Variants in FHIT observed in about 807,000 individuals in gnomAD.
The protein encoded by FHIT is bis(5'-adenosyl)-triphosphatase.
Under a neutral mutation model 17.9 loss-of-function variants are expected in FHIT, and 19 were observed. That is an observed-to-expected ratio of 1.06 (90% CI 0.74 to 1.56). The LOEUF (loss-of-function observed/expected upper bound fraction) is 1.56. FHIT is among the 40% of genes most tolerant of loss of function. The pLI, the probability that FHIT is intolerant of heterozygous loss-of-function variation, is 0.00. For missense variants in FHIT, 248 were observed against 189.2 expected, an observed-to-expected ratio of 1.31 and a Z score of -1.82; for synonymous variants, 81 against 69.7, an observed-to-expected ratio of 1.16 and a Z score of -0.81.
At chr3:60,516,725 G>C (rs1038243300) in intron 5 of FHIT, among the ~76,000 whole-genome samples, 1 of 152,168 alleles carries the variant, frequency 6.6e-6, no homozygotes, top group African/African-American at 2.4e-5. Flanking sequence ...TTATATGTTA[G>C]ATGAATAAAT....
At chr3:59,912,833 T>A (rs1360755470) in intron 8 of FHIT, among the ~76,000 whole-genome samples, 4 of 152,208 alleles carry the variant, frequency 2.6e-5, no homozygotes, top group African/African-American at 9.7e-5. Flanking sequence ...TTAAGAGTTG[T>A]AAGCAAGACT....
At chr3:60,163,123 T>C (rs1041536542) in intron 5 of FHIT, among the ~76,000 whole-genome samples, 15 of 107,454 alleles carry the variant, frequency 1.4e-4, no homozygotes, top group African/African-American at 6.0e-4. Context: ...ACACATTATC[T>C]CTTTCACTGC....
intron 4 of FHIT, among the ~76,000 whole-genome samples, chr3:60,700,429 T>C (rs782554117): frequency 8.5e-5 from 13 of 152,190 alleles, no homozygotes; most frequent in Admixed American, 5.2e-4. Context: ...CACATATAGA[T>C]GTATTTAGTT....
chr3:60,139,994 T>C (rs910092090), intron 5 of FHIT, among the ~76,000 whole-genome samples: 2 of 151,928 alleles, frequency 1.3e-5, no homozygotes, highest in Non-Finnish European at 2.9e-5. Context: ...TGGTGACACA[T>C]GCCTATAATC....
At chr3:60,727,920 C>T (rs1421117950) in intron 4 of FHIT, among the ~76,000 whole-genome samples, 1 of 152,158 alleles carries the variant, frequency 6.6e-6, no homozygotes, top group Non-Finnish European at 1.5e-5. Flanking sequence ...AGGAGAATGG[C>T]GTGAACCCGG....
Position 60,655,806 on chromosome 3 carries a change from G to A in FHIT, c.-17-118827C>T, listed in dbSNP as rs183393267. On this transcript the variant is annotated intron_variant, in intron 4 of 9. Transcript: ENST00000492590. ...CTAGCCATTTGATGTTAATATCACA[G>A]AAAGCAGACAGCAAGTGTATATTTG... 1.8e-4 allele frequency among the ~76,000 whole-genome samples: 28 copies of A among 152,238 alleles called. No homozygotes were observed. In the East Asian group the frequency reaches 5.4e-3, roughly 29 times the overall value.
intron 8 of FHIT, among the ~76,000 whole-genome samples, chr3:59,857,259 A>G (rs1436763073): frequency 1.3e-5 from 2 of 152,188 alleles, no homozygotes; most frequent in Admixed American, 6.5e-5. Context: ...AATGAGCGAT[A>G]CACTGTCATT....
At chr3:60,536,782 C>G in intron 5 of FHIT, 78 bp downstream of exon 5, 1 of 1,460,110 alleles carries the variant, frequency 6.8e-7, no homozygotes, top group Non-Finnish European at 9.1e-7. Context: ...GGAGGCCAAT[C>G]TTGTATTTAT....
intron 2 of FHIT, among the ~76,000 whole-genome samples, chr3:61,109,493 G>GT (rs889156323): frequency 6.6e-6 from 1 of 152,064 alleles, no homozygotes; most frequent in African/African-American, 2.4e-5. Context: ...TAAACTGCAT[G>GT]TTTTTTGCAA....
chr3:60,278,821 A>C (rs1345491819), intron 5 of FHIT, among the ~76,000 whole-genome samples: 1 of 152,204 alleles, frequency 6.6e-6, no homozygotes, highest in Non-Finnish European at 1.5e-5. Context: ...GATAAACTTT[A>C]AACTATTTTA....
intron 5 of FHIT, among the ~76,000 whole-genome samples, chr3:60,093,711 G>A (rs1175505580): frequency 6.6e-6 from 1 of 152,162 alleles, no homozygotes; most frequent in Non-Finnish European, 1.5e-5. Flanking sequence ...ACTATGAACT[G>A]CACATGCGAA....
chr3:60,479,033 C>T (rs2033480082), intron 5 of FHIT, among the ~76,000 whole-genome samples: 1 of 152,276 alleles, frequency 6.6e-6, no homozygotes, highest in South Asian at 2.1e-4. Context: ...CACTGTAGAA[C>T]ATTCATGATG....
At chr3:60,905,925 A>G (rs1014958365) in intron 3 of FHIT, among the ~76,000 whole-genome samples, 3 of 152,050 alleles carry the variant, frequency 2.0e-5, no homozygotes, top group Non-Finnish European at 2.9e-5. Context: ...TGAACCAGGT[A>G]AGTTTTGACT....
At chr3:60,054,190 C>T (rs1013354233) in intron 5 of FHIT, among the ~76,000 whole-genome samples, 1 of 152,052 alleles carries the variant, frequency 6.6e-6, no homozygotes, top group Non-Finnish European at 1.5e-5. Flanking sequence ...ATTCAAATTT[C>T]TTCAGAGAAC....
At chr3:60,354,473 C>T (rs577859182) in intron 5 of FHIT, among the ~76,000 whole-genome samples, 66 of 152,156 alleles carry the variant, frequency 4.3e-4, no homozygotes, top group African/African-American at 1.5e-3. Flanking sequence ...GAAAAAGCCC[C>T]AAGCCAACCC....
intron 4 of FHIT, among the ~76,000 whole-genome samples, chr3:60,566,963 TACAA>T (rs1338073454): frequency 1.3e-4 from 19 of 145,906 alleles, no homozygotes; most frequent in African/African-American, 4.6e-4. Context: ...TAAAAGAGGA[TACAA>T]ACAAATGGAA....
At chr3:60,745,830 C>T (rs1553715200) in intron 4 of FHIT, among the ~76,000 whole-genome samples, 3 of 152,116 alleles carry the variant, frequency 2.0e-5, no homozygotes, top group Non-Finnish European at 1.5e-5. Flanking sequence ...AAAGACCAAA[C>T]TAAAAAGGAT....
At chr3:60,641,062 C>T (rs984259101) in intron 4 of FHIT, among the ~76,000 whole-genome samples, 2 of 152,114 alleles carry the variant, frequency 1.3e-5, no homozygotes, top group African/African-American at 4.8e-5. Flanking sequence ...TACCTGTAAT[C>T]CCAGCTACTT....
At chr3:60,406,218 G>A (rs1701851943) in intron 5 of FHIT, among the ~76,000 whole-genome samples, 1 of 152,080 alleles carries the variant, frequency 6.6e-6, no homozygotes, top group Non-Finnish European at 1.5e-5. Context: ...TGTGCATAAG[G>A]CAAATATAAA....
Sources: gnomAD v4.1 joint callset for allele counts (sites outside exome capture counted in the v4.1 genomes callset) on GRCh38, gnomAD v4.1.1 for gene constraint, MANE v1.5 for transcripts, NCBI Gene and HGNC (gene_info 2026-07-23, HGNC 2026-07-21) for gene names.